Variants in USP32 observed in about 807,000 individuals in gnomAD.
USP32 encodes the protein ubiquitin carboxyl-terminal hydrolase 32.
In USP32, 59 loss-of-function variants were observed where a neutral mutation model predicts 204.8. That is an observed-to-expected ratio of 0.29 (90% CI 0.23 to 0.36). The LOEUF (loss-of-function observed/expected upper bound fraction) is 0.36. Ranked by LOEUF, USP32 falls within the 10% of genes least tolerant of loss-of-function variation. The pLI is 1.00. For missense variants in USP32, 1,160 were observed against 1,946.4 expected (o/e 0.60, Z 7.60); for synonymous variants, 517 against 678.4 (o/e 0.76, Z 3.70).
At chr17:60,297,877 AT>A (rs1323098640) in intron 3 of USP32, among the ~76,000 whole-genome samples, 1 of 152,176 alleles carries the variant, frequency 6.6e-6, no homozygotes, top group Admixed American at 6.5e-5. Context: ...TAACCTACTG[AT>A]TCCTGTTCCA....
intron 1 of USP32, among the ~76,000 whole-genome samples, chr17:60,368,715 A>G (rs2089368256): frequency 1.3e-5 from 2 of 152,150 alleles, no homozygotes; most frequent in African/African-American, 4.8e-5. Context: ...TAAGCACTTC[A>G]CAGTTGTCAG....
At chr17:60,289,223 T>G (rs901893086) in intron 4 of USP32, among the ~76,000 whole-genome samples, 1 of 152,322 alleles carries the variant, frequency 6.6e-6, no homozygotes, top group Non-Finnish European at 1.5e-5. Flanking sequence ...TTAGCCAGGA[T>G]GGTCTTGATC....
chr17:60,368,423 T>A (rs1363572494), intron 1 of USP32, among the ~76,000 whole-genome samples: 3 of 152,030 alleles, frequency 2.0e-5, no homozygotes, highest in Non-Finnish European at 2.9e-5. Context: ...GAAATCCCAA[T>A]ATAAACATTT....
chr17:60,280,723 C>G (rs1391027658), intron 5 of USP32, among the ~76,000 whole-genome samples: 1 of 152,166 alleles, frequency 6.6e-6, no homozygotes, highest in Non-Finnish European at 1.5e-5. Context: ...ATTTTTATCA[C>G]AAGTTTCCAC....
At chr17:60,270,807 G>A (rs1002223001) in intron 6 of USP32, among the ~76,000 whole-genome samples, 3 of 139,088 alleles carry the variant, frequency 2.2e-5, no homozygotes, top group African/African-American at 8.1e-5. Flanking sequence ...TGGGCAACAA[G>A]AGCAAAACTC....
chr17:60,273,310 T>C (rs998745931), intron 5 of USP32, among the ~76,000 whole-genome samples: 1 of 152,142 alleles, frequency 6.6e-6, no homozygotes, highest in Non-Finnish European at 1.5e-5. Flanking sequence ...AAAAAAGTCC[T>C]AGAGCTCATA....
rs2084020046 is a variant in USP32, at chr17:60,178,415, C to T, written c.*840G>A. On this transcript the variant is annotated 3_prime_UTR_variant, in exon 34 of 34. Transcript: ENST00000300896. ...TGGTGCAAATATTGGCAACTGCTCCCCTTCCCTCAGCATGGGTGGGGCCGG... is the reference window on the plus strand; with the variant it reads ...TGGTGCAAATATTGGCAACTGCTCCTCTTCCCTCAGCATGGGTGGGGCCGG... Among the ~76,000 whole-genome samples, 1 of 152,204 alleles carries T rather than the reference C, an allele frequency of 6.6e-6. No homozygotes were observed. The highest frequency in any genetic ancestry group is 2.4e-5 in the African/African-American group (1 of 41,454).
intron 5 of USP32, among the ~76,000 whole-genome samples, chr17:60,281,401 G>C (rs1289794850): frequency 6.6e-6 from 1 of 151,954 alleles, no homozygotes; most frequent in African/African-American, 2.4e-5. Context: ...AGCCAGGCGC[G>C]GTAGCAGGCG....
chr17:60,397,907 T>C (rs1424988267), intron 1 of USP32, among the ~76,000 whole-genome samples: 1 of 151,740 alleles, frequency 6.6e-6, no homozygotes, highest in African/African-American at 2.4e-5. Context: ...GGGTTAATCA[T>C]TAGAGTCTTA....
intron 28 of USP32, among the ~76,000 whole-genome samples, chr17:60,192,457 C>A (rs8081140): frequency 1.3e-5 from 2 of 152,032 alleles, no homozygotes; most frequent in African/African-American, 2.4e-5. Context: ...TTTTTTGAGA[C>A]GGAGTTTCGC....
chr17:60,418,061 C>T (rs1374292241), intron 1 of USP32, among the ~76,000 whole-genome samples: 3 of 151,490 alleles, frequency 2.0e-5, no homozygotes, highest in Admixed American at 6.6e-5. Context: ...CAGGTTCAAG[C>T]GATTCTCCTG....
intron 5 of USP32, among the ~76,000 whole-genome samples, chr17:60,279,820 G>C (rs1406282456): frequency 6.6e-6 from 1 of 151,050 alleles, no homozygotes; most frequent in Admixed American, 6.6e-5. Flanking sequence ...CTGGGCAACA[G>C]AGCCAGAGCC....
intron 9 of USP32, among the ~76,000 whole-genome samples, chr17:60,264,232 T>A (rs558864911): frequency 8.6e-4 from 130 of 151,996 alleles, no homozygotes; most frequent in Non-Finnish European, 1.4e-3. Flanking sequence ...TTTAAAAAAA[T>A]TTTTTAGGCC....
intron 7 of USP32, among the ~76,000 whole-genome samples, chr17:60,267,164 T>A (rs961040582): frequency 2.6e-5 from 4 of 151,398 alleles, no homozygotes; most frequent in African/African-American, 9.7e-5. Flanking sequence ...TCCCAGTACT[T>A]TGGGAGGCCG....
chr17:60,228,207 T>A (rs1339437597), intron 12 of USP32, among the ~76,000 whole-genome samples: 1 of 152,022 alleles, frequency 6.6e-6, no homozygotes, highest in East Asian at 1.9e-4. Context: ...GTATTTTTAA[T>A]AGAGACAGGG....
intron 21 of USP32, among the ~76,000 whole-genome samples, chr17:60,209,887 T>C (rs2084915792): frequency 6.6e-6 from 1 of 152,116 alleles, no homozygotes; most frequent in African/African-American, 2.4e-5. Context: ...TTCTATAACG[T>C]TTTACATTTT....
At chr17:60,346,529 T>C (rs1329710651) in intron 1 of USP32, among the ~76,000 whole-genome samples, 1 of 152,196 alleles carries the variant, frequency 6.6e-6, no homozygotes, top group Non-Finnish European at 1.5e-5. Flanking sequence ...CAGATGATAT[T>C]AACAAACTAA....
At chr17:60,366,523 A>T (rs1008742030) in intron 1 of USP32, among the ~76,000 whole-genome samples, 2 of 152,006 alleles carry the variant, frequency 1.3e-5, no homozygotes, top group African/African-American at 4.8e-5. Context: ...ACCTCAGCCT[A>T]CCAAAGTGCT....
At chr17:60,195,527 G>T (rs1364231996) in intron 27 of USP32, among the ~76,000 whole-genome samples, 1 of 152,114 alleles carries the variant, frequency 6.6e-6, no homozygotes, top group East Asian at 1.9e-4. Context: ...TAGTAGAGAC[G>T]GGGTTTTGCC....
Sources: gnomAD v4.1 joint callset for allele counts (sites outside exome capture counted in the v4.1 genomes callset) on GRCh38, gnomAD v4.1.1 for gene constraint, MANE v1.5 for transcripts, NCBI Gene and HGNC (gene_info 2026-07-23, HGNC 2026-07-21) for gene names.